The following GRXCR1 variants were observed in gnomAD, a reference collection of about 807,000 sequenced individuals.
The protein encoded by GRXCR1 is glutaredoxin and cysteine rich domain containing 1, also known as glutaredoxin domain-containing cysteine-rich protein 1.
GRXCR1 carries 27 observed loss-of-function variants against 27.3 expected under a neutral mutation model. That is an observed-to-expected ratio of 0.99 (90% CI 0.73 to 1.37). The LOEUF is 1.37. Among genes scored for constraint, GRXCR1 ranks in the 40% most tolerant of loss-of-function variants. The pLI is 0.00. For synonymous variants in GRXCR1, 122 were observed against 131.1 expected (o/e 0.93, Z 0.47); for missense variants, 379 against 354.4 (o/e 1.07, Z -0.56).
chr4:42,977,024 G>A (rs1170868624), intron 2 of GRXCR1, among the ~76,000 whole-genome samples: 1 of 151,922 alleles, frequency 6.6e-6, no homozygotes, highest in Non-Finnish European at 1.5e-5. Context: ...ACTTTTATAA[G>A]TTCAACTTTT....
intron 2 of GRXCR1, among the ~76,000 whole-genome samples, chr4:42,987,229 T>TTATATA (rs1349228105): frequency 1.1e-5 from 1 of 92,236 alleles, no homozygotes; most frequent in Non-Finnish European, 2.2e-5. Context: ...ATATTATATA[T>TTATATA]TATATATATA....
chr4:42,932,838 G>C (rs1433317062), intron 1 of GRXCR1, among the ~76,000 whole-genome samples: 2 of 151,500 alleles, frequency 1.3e-5, no homozygotes, highest in Middle Eastern at 3.2e-3. Context: ...GAGTTTGAGA[G>C]AGTTGGCAGT....
At chr4:42,933,795 C>A (rs1002145895) in intron 1 of GRXCR1, among the ~76,000 whole-genome samples, 3 of 151,850 alleles carry the variant, frequency 2.0e-5, no homozygotes, top group Non-Finnish European at 4.4e-5. Flanking sequence ...CTCAGACATC[C>A]CAGCTTTCAG....
In GRXCR1 at chr4:42,935,795, T is replaced by C. The variant is rs1240216128; in HGVS notation, c.385-27097T>C. Reference sequence around the variant, plus strand: ...TTTTGAATAATCTTAATGCGTTTTATTACTTGGAAGTCTAGTGTTCCTTCA... The same window carrying C: ...TTTTGAATAATCTTAATGCGTTTTACTACTTGGAAGTCTAGTGTTCCTTCA... On this transcript the variant is annotated intron_variant, in intron 1 of 3. Transcript: ENST00000399770. Among the ~76,000 whole-genome samples the C allele has an allele frequency of 5.3e-5, 8 of 151,916 alleles. No homozygotes were observed. In the East Asian group the frequency reaches 1.6e-3, roughly 29 times the overall value.
At chr4:42,963,232 A>G in intron 2 of GRXCR1, 98 bp downstream of exon 2, 2 of 1,423,322 alleles carry the variant, frequency 1.4e-6, no homozygotes, top group Admixed American at 3.4e-5. Flanking sequence ...CTACTGGAAC[A>G]CTTGCTGGTT....
At chr4:43,001,892 A>T (rs1205815583) in intron 2 of GRXCR1, among the ~76,000 whole-genome samples, 2 of 152,210 alleles carry the variant, frequency 1.3e-5, no homozygotes, top group Non-Finnish European at 2.9e-5. Context: ...TCAGCAAAAA[A>T]CATGTGAGCA....
At chr4:42,970,649 G>T (rs1281122681) in intron 2 of GRXCR1, among the ~76,000 whole-genome samples, 1 of 152,136 alleles carries the variant, frequency 6.6e-6, no homozygotes, top group Non-Finnish European at 1.5e-5. Context: ...GAGCAGTGGG[G>T]CCCTGGGGAT....
At chr4:42,938,535 C>G (rs962695382) in intron 1 of GRXCR1, among the ~76,000 whole-genome samples, 1 of 151,924 alleles carries the variant, frequency 6.6e-6, no homozygotes, top group Non-Finnish European at 1.5e-5. Context: ...AGTGGTTGTA[C>G]TCATGGTTCC....
At chr4:42,997,143 A>C (rs1022474736) in intron 2 of GRXCR1, among the ~76,000 whole-genome samples, 3 of 152,132 alleles carry the variant, frequency 2.0e-5, no homozygotes, top group African/African-American at 7.2e-5. Context: ...CAAATATTCT[A>C]TATTAATAGG....
chr4:42,993,873 C>T (rs549080347), intron 2 of GRXCR1, among the ~76,000 whole-genome samples: 1 of 151,980 alleles, frequency 6.6e-6, no homozygotes, highest in Non-Finnish European at 1.5e-5. Flanking sequence ...ATGCTGTGTA[C>T]CTGAAGAGTG....
At chr4:42,941,100 C>G (rs1407041298) in intron 1 of GRXCR1, among the ~76,000 whole-genome samples, 1 of 151,960 alleles carries the variant, frequency 6.6e-6, no homozygotes, top group African/African-American at 2.4e-5. Context: ...TTCAAACTCT[C>G]TCTGCCTCAA....
At chr4:42,944,051 C>T (rs1437364734) in intron 1 of GRXCR1, among the ~76,000 whole-genome samples, 4 of 151,944 alleles carry the variant, frequency 2.6e-5, no homozygotes, top group Non-Finnish European at 5.9e-5. Context: ...AATTGTAACA[C>T]GTTTGGCAAT....
At chr4:43,027,808 T>C (rs1041099358) in intron 3 of GRXCR1, among the ~76,000 whole-genome samples, 5 of 152,170 alleles carry the variant, frequency 3.3e-5, no homozygotes, top group African/African-American at 1.2e-4. Context: ...TTTGTACTCA[T>C]TAAGATATTG....
chr4:42,987,201 C>CATATATATT (rs1473091893), intron 2 of GRXCR1, among the ~76,000 whole-genome samples: 13 of 51,448 alleles, frequency 2.5e-4, no homozygotes, highest in Non-Finnish European at 4.5e-4. Context: ...TCATAGTTTT[C>CATATATATT]ATATATATAT....
chr4:42,983,597 T>G (rs1218687485), intron 2 of GRXCR1, among the ~76,000 whole-genome samples: 2 of 151,928 alleles, frequency 1.3e-5, no homozygotes, highest in Admixed American at 6.6e-5. Context: ...GTGAAGAAAG[T>G]CATTGGTAGC....
intron 2 of GRXCR1, among the ~76,000 whole-genome samples, chr4:42,971,588 C>T (rs554519538): frequency 6.6e-6 from 1 of 152,006 alleles, no homozygotes; most frequent in South Asian, 2.1e-4. Context: ...AAAGTTCCAC[C>T]CACGTTCAAA....
chr4:42,914,833 G>A (rs757337102), intron 1 of GRXCR1, among the ~76,000 whole-genome samples: 1 of 152,076 alleles, frequency 6.6e-6, no homozygotes, highest in Non-Finnish European at 1.5e-5. Flanking sequence ...AATCATGGGG[G>A]CAGTTTCCCC....
intron 2 of GRXCR1, among the ~76,000 whole-genome samples, chr4:43,014,757 A>C (rs1446498679): frequency 6.6e-6 from 1 of 152,176 alleles, no homozygotes; most frequent in East Asian, 1.9e-4. Context: ...GAAATCATCA[A>C]TCACTAAAAG....
chr4:42,893,234 T>C lies in GRXCR1; in HGVS notation c.-33T>C, dbSNP rs1336693979. The C allele has an allele frequency of 2.2e-5, 35 of 1,612,760 alleles. No homozygotes were observed. The highest frequency in any genetic ancestry group is 5.3e-5 in the African/African-American group (4 of 74,842). On this transcript the variant is annotated 5_prime_UTR_variant, in exon 1 of 4. The change abolishes an upstream ATG in the 5' untranslated region. Transcript: ENST00000399770. Reference sequence around the variant, plus strand: ...TAGTGCAGTAACAACGGGTCCAGAATGCTGTAAACTGTTCATATGGGTGGA... The same window carrying C: ...TAGTGCAGTAACAACGGGTCCAGAACGCTGTAAACTGTTCATATGGGTGGA...
Sources: gnomAD v4.1 joint callset for allele counts (sites outside exome capture counted in the v4.1 genomes callset) on GRCh38, gnomAD v4.1.1 for gene constraint, MANE v1.5 for transcripts, NCBI Gene and HGNC (gene_info 2026-07-23, HGNC 2026-07-21) for gene names.